PRELID2: variants seen among roughly 807,000 people sequenced by gnomAD.
The protein encoded by PRELID2 is PRELI domain containing 2, also known as PRELI domain-containing protein 2.
PRELID2 carries 25 observed loss-of-function variants against 28.4 expected under a neutral mutation model. That is an observed-to-expected ratio of 0.88 (90% CI 0.64 to 1.23). PRELID2 has a LOEUF of 1.23. Among genes scored for constraint, PRELID2 ranks in the 50% most tolerant of loss-of-function variants. The pLI, the probability that PRELID2 is intolerant of heterozygous loss-of-function variation, is 0.00. For missense variants in PRELID2, 201 were observed against 214.4 expected (o/e 0.94, Z 0.39); for synonymous variants, 76 against 71.6 (o/e 1.06, Z -0.31).
At chr5:145,651,486 G>T (rs908056444) in intron 1 of PRELID2, among the ~76,000 whole-genome samples, 2 of 152,182 alleles carry the variant, frequency 1.3e-5, no homozygotes, top group Non-Finnish European at 2.9e-5. Flanking sequence ...TCCCTGAGTA[G>T]CATAACTGGG....
intron 1 of PRELID2, among the ~76,000 whole-genome samples, chr5:145,711,517 G>C (rs1213744237): frequency 6.6e-6 from 1 of 152,064 alleles, no homozygotes; most frequent in Non-Finnish European, 1.5e-5. Context: ...ATCTCCAGGA[G>C]CCCCAGCCAC....
the PRELID2 span, among the ~76,000 whole-genome samples, chr5:145,249,937 GTCTCTCTCTCTC>G: frequency 4.2e-3 from 583 of 138,696 alleles, 5 homozygotes; most frequent in East Asian, 0.033. Context: ...CTCTCTCTCT[GTCTCTCTCTCTC>G]TCTCTCTCTC....
intron 1 of PRELID2, among the ~76,000 whole-genome samples, chr5:145,518,135 TATAATAATAATAATAATAATAATA>T (rs56385008): frequency 2.1e-5 from 3 of 142,526 alleles, no homozygotes; most frequent in Admixed American, 7.1e-5. Context: ...GAACTTGAAG[TATAATAATAATAATAATAATAATA>T]ATAATAATAA....
chr5:145,396,394 G>T, the PRELID2 span, among the ~76,000 whole-genome samples: 136 of 151,284 alleles, frequency 9.0e-4, no homozygotes, highest in Non-Finnish European at 1.8e-3. Context: ...GTTAGGGGAT[G>T]AACTCTTAGC....
At chr5:145,397,160 G>A in the PRELID2 span, among the ~76,000 whole-genome samples, 2 of 152,056 alleles carry the variant, frequency 1.3e-5, no homozygotes, top group East Asian at 3.9e-4. Context: ...GAGAACAGGG[G>A]ATGTTATTAG....
At chr5:145,437,076 C>T in the PRELID2 span, 1 of 152,302 alleles carries the variant, frequency 6.6e-6, no homozygotes, top group African/African-American at 2.4e-5. Context: ...ATAATAAATT[C>T]CCAATGTGAT....
chr5:145,519,035 ACAT>A (rs1752542520), intron 1 of PRELID2, among the ~76,000 whole-genome samples: 2 of 152,178 alleles, frequency 1.3e-5, no homozygotes, highest in South Asian at 4.1e-4. Context: ...ACTTGCCATG[ACAT>A]CATTTTACAA....
the PRELID2 span, among the ~76,000 whole-genome samples, chr5:145,340,770 C>CATACATATATATATATATAT: frequency 1.7e-5 from 2 of 116,536 alleles, 1 homozygote; most frequent in African/African-American, 6.2e-5. Flanking sequence ...TAAAAATATA[C>CATACATATATATATATATAT]ATATATATAT....
At chr5:145,767,156 C>T (rs540558720) in intron 5 of PRELID2, among the ~76,000 whole-genome samples, 49 of 137,818 alleles carry the variant, frequency 3.6e-4, no homozygotes, top group South Asian at 8.4e-4. Context: ...CCATAAAAAC[C>T]CCAGGCCCCA....
chr5:145,763,859 C>T (rs1229875264), intron 6 of PRELID2, among the ~76,000 whole-genome samples: 1 of 152,104 alleles, frequency 6.6e-6, no homozygotes, highest in African/African-American at 2.4e-5. Flanking sequence ...AGGTGGATCA[C>T]GAAGTCAGGA....
At chr5:145,494,147 A>G (rs1046002328) in intron 1 of PRELID2, among the ~76,000 whole-genome samples, 5 of 152,186 alleles carry the variant, frequency 3.3e-5, no homozygotes, top group Admixed American at 2.0e-4. Context: ...TGAGATGTCT[A>G]TTAACTAGCA....
chr5:145,444,138 T>C, the PRELID2 span, among the ~76,000 whole-genome samples: 1 of 152,162 alleles, frequency 6.6e-6, no homozygotes, highest in Non-Finnish European at 1.5e-5. Flanking sequence ...GCCCTCTGTG[T>C]AATAAATTTG....
intron 1 of PRELID2, among the ~76,000 whole-genome samples, chr5:145,741,972 T>G (rs1242561886): frequency 1.4e-4 from 6 of 42,978 alleles, no homozygotes; most frequent in African/African-American, 4.2e-4. Context: ...ATAAATAAAT[T>G]TATTTAATTA....
downstream of PRELID2, among the ~76,000 whole-genome samples, chr5:145,754,901 C>A (rs757582255): frequency 6.6e-6 from 1 of 152,158 alleles, no homozygotes; most frequent in Non-Finnish European, 1.5e-5. Context: ...ACCAACACCA[C>A]AGACATCTCA....
the PRELID2 span, among the ~76,000 whole-genome samples, chr5:145,255,023 A>C: frequency 6.6e-6 from 1 of 152,098 alleles, no homozygotes; most frequent in African/African-American, 2.4e-5. Flanking sequence ...TATAGACTAC[A>C]ACTAAATTGC....
chr5:145,296,349 AC>A, the PRELID2 span, among the ~76,000 whole-genome samples: 2 of 57,640 alleles, frequency 3.5e-5, no homozygotes, highest in Non-Finnish European at 6.6e-5. Context: ...CCCTCCCCCC[AC>A]CCCACAACAG....
At chr5:145,744,130 A>G (rs1429292285) in intron 1 of PRELID2, among the ~76,000 whole-genome samples, 1 of 151,898 alleles carries the variant, frequency 6.6e-6, no homozygotes, top group African/African-American at 2.4e-5. Flanking sequence ...CCCTGCAGGA[A>G]CTCCAGTAAC....
chr5:145,468,214 G>T (rs1217209504), downstream of PRELID2, among the ~76,000 whole-genome samples: 5 of 152,096 alleles, frequency 3.3e-5, no homozygotes, highest in African/African-American at 1.2e-4. Flanking sequence ...GTGGTTTCCA[G>T]CTTCATCCAT....
the PRELID2 span, among the ~76,000 whole-genome samples, chr5:145,255,513 T>A: frequency 1.3e-5 from 2 of 152,008 alleles, no homozygotes; most frequent in Non-Finnish European, 2.9e-5. Flanking sequence ...GTGGCTCACA[T>A]CTGTAATCCC....
Sources: allele counts gnomAD v4.1 joint callset (sites outside exome capture counted in the v4.1 genomes callset), GRCh38; gene constraint gnomAD v4.1.1; transcripts MANE v1.5; gene names NCBI Gene and HGNC (gene_info 2026-07-23, HGNC 2026-07-21).